The following CDYL variants were observed in gnomAD, a reference collection of about 807,000 sequenced individuals.
The protein encoded by CDYL is chromodomain Y like.
In CDYL, 8 loss-of-function variants were observed where a neutral mutation model predicts 47.3. That is an observed-to-expected ratio of 0.17 (90% CI 0.10 to 0.31). The LOEUF is 0.31. Ranked by LOEUF, CDYL falls within the 10% of genes least tolerant of loss-of-function variation. The pLI, the probability that CDYL is intolerant of heterozygous loss-of-function variation, is 1.00. For synonymous variants in CDYL, 266 were observed against 265.0 expected (o/e 1.00, Z -0.04); for missense variants, 471 against 701.4 (o/e 0.67, Z 3.71).
rs548781426 is a variant in CDYL, at chr6:4,725,539, G to A, written c.104-9223G>A. Reference sequence around the variant, plus strand: ...GTCGAGCACAGCAGCTGCTGGCCCAGGTGCTAGGCCTCTCACTGCCCGGGG... The same window carrying A: ...GTCGAGCACAGCAGCTGCTGGCCCAAGTGCTAGGCCTCTCACTGCCCGGGG... On this transcript the variant is annotated intron_variant, in intron 2 of 8. Coordinates refer to the CDYL transcript ENST00000328908. 1.1e-4 allele frequency among the ~76,000 whole-genome samples: 17 copies of A among 152,376 alleles called. No individual in the cohort carries two copies. The East Asian group carries it at 2.9e-3, about 26-fold the overall frequency.
chr6:4,769,282 A>G (rs771401789), intron 3 of CDYL, among the ~76,000 whole-genome samples: 1 of 152,230 alleles, frequency 6.6e-6, no homozygotes, highest in Non-Finnish European at 1.5e-5. Context: ...TCTCTACTAT[A>G]TATGCAATTT....
At chr6:4,907,865 T>C (rs1353817403) in intron 2 of CDYL, among the ~76,000 whole-genome samples, 1 of 152,158 alleles carries the variant, frequency 6.6e-6, no homozygotes. Flanking sequence ...ACATGGTGTG[T>C]TCAGTTAGAT....
chr6:4,707,027 C>T (rs1757058538), intron 1 of CDYL, among the ~76,000 whole-genome samples: 1 of 152,084 alleles, frequency 6.6e-6, no homozygotes, highest in Admixed American at 6.5e-5. Context: ...ACAGAGGCAC[C>T]AACTACCAGG....
chr6:4,749,984 A>G (rs779543806), intron 3 of CDYL, among the ~76,000 whole-genome samples: 16 of 152,246 alleles, frequency 1.1e-4, no homozygotes, highest in Non-Finnish European at 1.9e-4. Context: ...GTGCTGTGCC[A>G]TAATTTGGAG....
intron 1 of CDYL, among the ~76,000 whole-genome samples, chr6:4,781,621 A>G (rs60620332): frequency 0.11 from 16,426 of 152,088 alleles, 1,521 homozygotes; most frequent in African/African-American, 0.25. Flanking sequence ...CCTTTGAACT[A>G]CTTTCAATTC....
chr6:4,789,278 G>A (rs1758851302), intron 1 of CDYL, among the ~76,000 whole-genome samples: 1 of 152,122 alleles, frequency 6.6e-6, no homozygotes, highest in Non-Finnish European at 1.5e-5. Context: ...GTTTCGCCAT[G>A]TTGGCCAGGC....
intron 2 of CDYL, among the ~76,000 whole-genome samples, chr6:4,928,106 C>G (rs1394013646): frequency 4.6e-5 from 7 of 152,154 alleles, no homozygotes; most frequent in African/African-American, 1.7e-4. Context: ...ACTCATTATT[C>G]TTTTCAAAAA....
At chr6:4,808,177 A>G (rs1300489633) in intron 1 of CDYL, among the ~76,000 whole-genome samples, 2 of 152,212 alleles carry the variant, frequency 1.3e-5, no homozygotes, top group African/African-American at 2.4e-5. Flanking sequence ...TTAGAAATGC[A>G]CATGCGGGGC....
At position 4,840,973 on chromosome 6, in the gene CDYL, G is replaced by A. The variant is rs141677120; in HGVS notation, c.25-50740G>A. ...TTCCCTCTTTATCTTGTGGAATAGT[G>A]TCAATAGGATTGGTACCAATTTTTC... On this transcript the variant is annotated intron_variant, in intron 1 of 6. Transcript: ENST00000397588. Among the ~76,000 whole-genome samples, 1,450 of 152,170 alleles carry A rather than the reference G, an allele frequency of 9.5e-3. 11 individuals are homozygous for A. Among genetic ancestry groups the A allele is most frequent in the Non-Finnish European group, 0.015 (1,006 of 67,968 alleles).
intron 1 of CDYL, among the ~76,000 whole-genome samples, chr6:4,778,312 T>C (rs1302503324): frequency 6.6e-6 from 1 of 152,216 alleles, no homozygotes; most frequent in Non-Finnish European, 1.5e-5. Context: ...ACATAATCAG[T>C]TCCATCAGTG....
Position 4,943,760 on chromosome 6 carries a change from A to C in CDYL, c.1332+4A>C. 7.2e-7 allele frequency: 1 copy of C among 1,396,682 alleles called. No individual in the cohort carries two copies. Among genetic ancestry groups the C allele is most frequent in the Non-Finnish European group, 9.7e-7 (1 of 1,033,096 alleles). 86.5% of individuals were successfully genotyped at this position (1,396,682 alleles called of 1,614,324 possible). ...CAAGATAATGGGAGGAGCATCTGTG[A>C]GTACCTTTTTAAAAAAAAAAAAAAA... On this transcript the variant is annotated splice_donor_region_variant and intron_variant, in intron 5 of 6. Transcript: ENST00000397588.
intron 3 of CDYL, among the ~76,000 whole-genome samples, chr6:4,748,872 C>G (rs1310165740): frequency 6.6e-6 from 1 of 152,158 alleles, no homozygotes; most frequent in Non-Finnish European, 1.5e-5. Flanking sequence ...TAAAATTCTG[C>G]TCTTCCTAGA....
At chr6:4,945,768 G>A (rs1479012195) in intron 5 of CDYL, among the ~76,000 whole-genome samples, 2 of 152,356 alleles carry the variant, frequency 1.3e-5, no homozygotes, top group South Asian at 2.1e-4. Flanking sequence ...CCAGGCTGGC[G>A]GCTGTGGCAG....
In CDYL at chr6:4,733,394, C is replaced by T. The variant is rs1253830646; in HGVS notation, c.104-1368C>T. ...TTACATGTTTTTAAAAAAATGAAACCGTAAAAATGTATGTGACTCAGATAA... is the reference window on the plus strand; with the variant it reads ...TTACATGTTTTTAAAAAAATGAAACTGTAAAAATGTATGTGACTCAGATAA... On this transcript the variant is annotated intron_variant, in intron 2 of 8. Coordinates refer to the CDYL transcript ENST00000328908. The T allele has an allele frequency of 4.7e-5, 7 of 148,424 alleles. 1 individual carries two copies. The allele number at this position is 148,424 out of a possible 1,614,324, so 9.2% of individuals were successfully genotyped here.
intron 1 of CDYL, among the ~76,000 whole-genome samples, chr6:4,833,883 C>G (rs959866780): frequency 6.6e-6 from 1 of 152,020 alleles, no homozygotes. Context: ...TTATCCGAGA[C>G]TAGGATTGCA....
intron 1 of CDYL, among the ~76,000 whole-genome samples, chr6:4,865,895 A>G (rs945892626): frequency 6.6e-6 from 1 of 152,268 alleles, no homozygotes; most frequent in Non-Finnish European, 1.5e-5. Flanking sequence ...CAGAAATTAC[A>G]AAGATCAGAA....
At chr6:4,926,115 G>A (rs1410868839) in intron 2 of CDYL, among the ~76,000 whole-genome samples, 2 of 152,132 alleles carry the variant, frequency 1.3e-5, no homozygotes, top group Non-Finnish European at 2.9e-5. Flanking sequence ...TGGAAGTGAA[G>A]GAGTTAGAGC....
chr6:4,893,556 G>T (rs531939875), intron 2 of CDYL, among the ~76,000 whole-genome samples: 1 of 152,194 alleles, frequency 6.6e-6, no homozygotes, highest in African/African-American at 2.4e-5. Context: ...AGCCAGGCGC[G>T]GTGGCGCGCA....
intron 1 of CDYL, among the ~76,000 whole-genome samples, chr6:4,818,274 A>G (rs1759729352): frequency 6.6e-6 from 1 of 152,172 alleles, no homozygotes; most frequent in Admixed American, 6.5e-5. Context: ...AATAAAATAT[A>G]AAATAAAATA....
Sources: gnomAD v4.1 joint callset for allele counts (sites outside exome capture counted in the v4.1 genomes callset) on GRCh38, gnomAD v4.1.1 for gene constraint, MANE v1.5 for transcripts, NCBI Gene and HGNC (gene_info 2026-07-23, HGNC 2026-07-21) for gene names.